The following ARMH1 variants were observed in gnomAD, a reference collection of about 807,000 sequenced individuals.
ARMH1 encodes armadillo-like helical domain containing protein 1.
In ARMH1, 34 loss-of-function variants were observed where a neutral mutation model predicts 50.2. The observed-to-expected ratio is 0.68, with a 90% CI of 0.51 to 0.90. ARMH1 has a LOEUF of 0.90. Among genes scored for constraint, ARMH1 ranks in the 40% least tolerant of loss-of-function variants. The pLI is 0.00. For missense variants in ARMH1, 538 were observed against 553.9 expected, an observed-to-expected ratio of 0.97 and a Z score of 0.29; for synonymous variants, 221 against 224.2, an observed-to-expected ratio of 0.99 and a Z score of 0.13.
In ARMH1 at chr1:44,680,996, CT is replaced by C. The variant is rs1333237982; in HGVS notation, c.-23+6139del. On this transcript the variant is annotated intron_variant, in intron 1 of 11. Coordinates refer to ENST00000535358, the MANE Select transcript of ARMH1 (RefSeq NM_001145636.2). ...CTCCAATTTGCCCCCTTCCGATCCCCTTTTTTTTTTTTTTTTGAGACGGAGT... is the reference window on the plus strand; with the variant it reads ...CTCCAATTTGCCCCCTTCCGATCCCCTTTTTTTTTTTTTTTGAGACGGAGT... Among the ~76,000 whole-genome samples, 973 of 138,898 alleles carry C rather than the reference CT, an allele frequency of 7.0e-3. 9 individuals are homozygous for C. Among genetic ancestry groups the C allele is most frequent in the African/African-American group, 0.022 (781 of 35,796 alleles). 91.1% of individuals were successfully genotyped at this position (138,898 alleles called of 152,430 possible). A position where few individuals can be genotyped will look rare whatever the true frequency, so the allele number is the denominator to read the frequency against.
intron 6 of ARMH1, among the ~76,000 whole-genome samples, chr1:44,709,791 C>A (rs920170307): frequency 1.3e-5 from 2 of 151,938 alleles, no homozygotes; most frequent in African/African-American, 4.8e-5. Flanking sequence ...GAGCCCAGAT[C>A]ATGCCACTGC....
chr1:44,702,369 C>A (rs1573384750), intron 5 of ARMH1, among the ~76,000 whole-genome samples: 1 of 152,156 alleles, frequency 6.6e-6, no homozygotes, highest in African/African-American at 2.4e-5. Flanking sequence ...TTAAATCCAC[C>A]CTCTCCTACG....
At chr1:44,691,984 A>T (rs1420051862) in intron 2 of ARMH1, among the ~76,000 whole-genome samples, 1 of 152,226 alleles carries the variant, frequency 6.6e-6, no homozygotes, top group East Asian at 1.9e-4. Context: ...TTCAAGTTAT[A>T]GGAGGATTTG....
At chr1:44,692,054 T>C (rs1219017528) in intron 2 of ARMH1, among the ~76,000 whole-genome samples, 1 of 152,188 alleles carries the variant, frequency 6.6e-6, no homozygotes, top group Admixed American at 6.5e-5. Flanking sequence ...ACCCTTTTAT[T>C]GTATATTTCT....
chr1:44,710,821 G>A (rs1011376159), intron 6 of ARMH1, among the ~76,000 whole-genome samples: 1 of 151,972 alleles, frequency 6.6e-6, no homozygotes, highest in African/African-American at 2.4e-5. Context: ...CCCCCAAAAG[G>A]AAACCCTGAA....
At chr1:44,686,287 G>GA (rs980141201) in intron 1 of ARMH1, among the ~76,000 whole-genome samples, 1 of 151,874 alleles carries the variant, frequency 6.6e-6, no homozygotes, top group Admixed American at 6.6e-5. Flanking sequence ...CAAACAATAG[G>GA]AAAAAAATGA....
chr1:44,712,142 C>T (rs1256932093), intron 6 of ARMH1, among the ~76,000 whole-genome samples: 2 of 152,140 alleles, frequency 1.3e-5, no homozygotes, highest in Admixed American at 6.6e-5. Flanking sequence ...GAGCCCGAGG[C>T]GGGCAGATCA....
chr1:44,716,863 T>C lies in ARMH1; in HGVS notation c.725-7259T>C, dbSNP rs187394243. ...ACTATTCTTTTTTCTTTTTTTTTTT[T>C]TTTTTGAGACGGAGTCTCACTCTGT... is the stretch of plus-strand genomic sequence containing the variant. On this transcript the variant is annotated intron_variant, in intron 6 of 11. Coordinates refer to ENST00000535358, the MANE Select transcript of ARMH1 (RefSeq NM_001145636.2). Among the ~76,000 whole-genome samples the C allele has an allele frequency of 2.8e-3, 432 of 151,602 alleles. 1 individual carries two copies. Among genetic ancestry groups the C allele is most frequent in the Non-Finnish European group, 4.6e-3 (314 of 67,744 alleles).
At chr1:44,722,084 C>T (rs924927306) in intron 6 of ARMH1, among the ~76,000 whole-genome samples, 1 of 152,128 alleles carries the variant, frequency 6.6e-6, no homozygotes, top group Admixed American at 6.6e-5. Context: ...AAACAGATAA[C>T]CCTGGTAATA....
At chr1:44,684,673 A>AG (rs1645410988) in intron 1 of ARMH1, 2 of 152,202 alleles carry the variant, frequency 1.3e-5, no homozygotes, top group African/African-American at 4.8e-5. Flanking sequence ...AGCCCAACCT[A>AG]GGGGGATTCA....
chr1:44,712,555 AAAG>A (rs1451193466), intron 6 of ARMH1, among the ~76,000 whole-genome samples: 1 of 151,486 alleles, frequency 6.6e-6, no homozygotes, highest in East Asian at 1.9e-4. Flanking sequence ...AAAAAAAAAA[AAAG>A]GACAGACAAC....
At chr1:44,705,051 G>A (rs895260833) in intron 6 of ARMH1, among the ~76,000 whole-genome samples, 3 of 146,092 alleles carry the variant, frequency 2.1e-5, no homozygotes, top group Non-Finnish European at 4.5e-5. Context: ...TAGCCAGGAT[G>A]GTCTCGATCT....
Position 44,702,724 on chromosome 1 carries a change from AAAAAG to A in ARMH1, c.640-1350_640-1346del, listed in dbSNP as rs1483763503. Among the ~76,000 whole-genome samples the A allele has an allele frequency of 4.8e-4, 72 of 151,544 alleles. No individual in the cohort carries two copies. The Middle Eastern group carries it at 0.01, about 22-fold the overall frequency. The stretch of plus-strand genomic sequence containing the variant: ...AGACTCCATCTCAAAAAAAAAAAAA[AAAAAG>A]AAAAGAAAAGAAAAAGAAAGAGGGC... On this transcript the variant is annotated intron_variant, in intron 5 of 11. Coordinates refer to ENST00000535358, the MANE Select transcript of ARMH1 (RefSeq NM_001145636.2).
At chr1:44,691,307 CTCCA>C (rs1645652332) in intron 2 of ARMH1, among the ~76,000 whole-genome samples, 1 of 151,930 alleles carries the variant, frequency 6.6e-6, no homozygotes, top group South Asian at 2.1e-4. Flanking sequence ...GTCTCCCTGT[CTCCA>C]CTTCCTCTCC....
At chr1:44,703,254 C>A (rs1194192982) in intron 5 of ARMH1, among the ~76,000 whole-genome samples, 2 of 152,086 alleles carry the variant, frequency 1.3e-5, no homozygotes, top group African/African-American at 4.8e-5. Flanking sequence ...CGGCCTTGTT[C>A]CTGCACCTCT....
chr1:44,698,747 A>T (rs1645917289), intron 4 of ARMH1, among the ~76,000 whole-genome samples: 1 of 151,382 alleles, frequency 6.6e-6, no homozygotes, highest in African/African-American at 2.4e-5. Flanking sequence ...CAGGAGGCAG[A>T]GGTTGTGGTG....
At chr1:44,689,593 C>A in intron 1 of ARMH1, 83 bp from the exon 2 acceptor site, 1 of 1,066,668 alleles carries the variant, frequency 9.4e-7, no homozygotes, top group Non-Finnish European at 1.4e-6. Context: ...CCACACCCTG[C>A]CTGCAGTTGA....
At chr1:44,676,373 A>T (rs1228575231) in intron 1 of ARMH1, among the ~76,000 whole-genome samples, 1 of 152,156 alleles carries the variant, frequency 6.6e-6, no homozygotes, top group Admixed American at 6.6e-5. Context: ...GTGGGAGTCT[A>T]TGGGGCCTTA....
At position 44,725,389 on chromosome 1, in the gene ARMH1, G is replaced by C. The variant is rs1296206949; in HGVS notation, c.1309G>C (p.Glu437Gln). ...AYLTHFEEDV[E>Q]SKE is the part of the protein sequence containing the mutation. ...CCTCACACACTTCGAGGAGGATGTAGAATCAAAGGAGTAACAGCCCCTGTG... is the reference window on the plus strand; with the variant it reads ...CCTCACACACTTCGAGGAGGATGTACAATCAAAGGAGTAACAGCCCCTGTG... Residue 437 changes from glutamate (E) to glutamine (Q), a missense_variant, in exon 12 of 12, where the codon GAA becomes CAA. Transcript: ENST00000535358. The C allele has an allele frequency of 6.4e-7, 1 of 1,551,700 alleles. No homozygotes were observed. The highest frequency in any genetic ancestry group is 8.7e-7 in the Non-Finnish European group (1 of 1,147,020).
Sources: allele counts gnomAD v4.1 joint callset (sites outside exome capture counted in the v4.1 genomes callset), GRCh38; gene constraint gnomAD v4.1.1; transcripts MANE v1.5; gene names NCBI Gene and HGNC (gene_info 2026-07-23, HGNC 2026-07-21).